The following SEC22A variants were observed in gnomAD, a reference collection of about 807,000 sequenced individuals.
SEC22A encodes the protein SEC22 homolog A, vesicle trafficking protein.
Under a neutral mutation model 35.3 loss-of-function variants are expected in SEC22A, and 22 were observed. That is an observed-to-expected ratio of 0.62 (90% CI 0.45 to 0.89). SEC22A has a LOEUF of 0.89. Ranked by LOEUF, SEC22A falls within the 40% of genes least tolerant of loss-of-function variation. SEC22A has a pLI of 0.00. For missense variants in SEC22A, 354 were observed against 362.5 expected (o/e 0.98, Z 0.19); for synonymous variants, 119 against 129.5 (o/e 0.92, Z 0.55).
chr3:123,237,521 G>A (rs1352103742), intron 4 of SEC22A, among the ~76,000 whole-genome samples: 4 of 152,172 alleles, frequency 2.6e-5, no homozygotes, highest in African/African-American at 9.6e-5. Flanking sequence ...CTTGGATGGT[G>A]GCACTGATCT....
intron 1 of SEC22A, among the ~76,000 whole-genome samples, chr3:123,202,807 C>T (rs1936773326): frequency 6.6e-6 from 1 of 152,194 alleles, no homozygotes. Context: ...AGCCACCAGA[C>T]TGGAGATGTT....
At chr3:123,234,331 C>A (rs910247927) in intron 4 of SEC22A, among the ~76,000 whole-genome samples, 13 of 152,048 alleles carry the variant, frequency 8.5e-5, no homozygotes, top group Non-Finnish European at 1.6e-4. Flanking sequence ...CTTGGAAAAT[C>A]TTGGAAAAGT....
chr3:123,261,696 T>G (rs528243698), intron 6 of SEC22A, among the ~76,000 whole-genome samples: 27 of 152,348 alleles, frequency 1.8e-4, no homozygotes, highest in South Asian at 1.2e-3. Context: ...TCTTATTTTG[T>G]GTTAAGCCTT....
chr3:123,206,779 A>G (rs1433872553), intron 1 of SEC22A, among the ~76,000 whole-genome samples: 1 of 152,118 alleles, frequency 6.6e-6, no homozygotes, highest in Non-Finnish European at 1.5e-5. Flanking sequence ...TTGCTTCTGG[A>G]TATTTTTCTC....
chr3:123,241,621 G>GA (rs1937523749), intron 4 of SEC22A, among the ~76,000 whole-genome samples: 1 of 152,036 alleles, frequency 6.6e-6, no homozygotes, highest in Non-Finnish European at 1.5e-5. Context: ...CACTGTAAGA[G>GA]AAAAAAGAAT....
Position 123,271,873 on chromosome 3 carries a change from C to T in SEC22A, c.*151C>T. ...CTTTTTTAAAATCAGCATGATGTGC[C>T]TGTGAGCATGGAAGAGTCCTCTCAG... is the stretch of plus-strand genomic sequence containing the variant. On this transcript the variant is annotated 3_prime_UTR_variant, in exon 7 of 7. Transcript: ENST00000492595. 1.6e-6 allele frequency: 1 copy of T among 635,538 alleles called. No individual in the cohort carries two copies. 39.4% of individuals were successfully genotyped at this position (635,538 alleles called of 1,614,324 possible). A position where few individuals can be genotyped will look rare whatever the true frequency, so the allele number is the denominator to read the frequency against.
intron 5 of SEC22A, among the ~76,000 whole-genome samples, chr3:123,254,257 A>G (rs1937671833): frequency 6.6e-6 from 1 of 152,092 alleles, no homozygotes; most frequent in Non-Finnish European, 1.5e-5. Context: ...CCTGGCCTCA[A>G]GTAATTCTCC....
chr3:123,209,582 C>G (rs1268936575), intron 2 of SEC22A, among the ~76,000 whole-genome samples, 183 bp downstream of exon 2: 1 of 152,218 alleles, frequency 6.6e-6, no homozygotes, highest in African/African-American at 2.4e-5. Context: ...TTCTTTGTAT[C>G]TGGCTCTGGG....
chr3:123,258,234 T>G (rs1328084785), intron 5 of SEC22A, among the ~76,000 whole-genome samples: 1 of 152,132 alleles, frequency 6.6e-6, no homozygotes, highest in Non-Finnish European at 1.5e-5. Flanking sequence ...TATCAATCTA[T>G]TTTTTAAAAT....
At position 123,271,901 on chromosome 3, in the gene SEC22A, G is replaced by T. The variant is rs1208848485; in HGVS notation, c.*179G>T. ...TGAGCATGGAAGAGTCCTCTCAGAAGAATGTTGGCCATGAGACTATCATTC... is the reference window on the plus strand; with the variant it reads ...TGAGCATGGAAGAGTCCTCTCAGAATAATGTTGGCCATGAGACTATCATTC... On this transcript the variant is annotated 3_prime_UTR_variant, in exon 7 of 7. Transcript: ENST00000492595. 16 of 586,622 alleles carry T rather than the reference G, an allele frequency of 2.7e-5. No homozygotes were observed. The highest frequency in any genetic ancestry group is 2.0e-5 in the African/African-American group (1 of 49,946). 36.3% of individuals were successfully genotyped at this position (586,622 alleles called of 1,614,324 possible).
Position 123,273,413 on chromosome 3 carries a change from CTGAGAGA to C in SEC22A, c.*1693_*1699del, listed in dbSNP as rs1938220230. On this transcript the variant is annotated 3_prime_UTR_variant, in exon 7 of 7. Transcript: ENST00000492595. ...CTCCTCTAACAAAAGTATGCATATT[CTGAGAGA>C]TACCCCAAGGCATCACAAGATCCTG... The C allele has an allele frequency of 6.6e-6, 1 of 152,218 alleles. No homozygotes were observed. The highest frequency in any genetic ancestry group is 6.5e-5 in the Admixed American group (1 of 15,288). The allele number at this position is 152,218 out of a possible 1,614,324, so 9.4% of individuals were successfully genotyped here.
rs895819500 is a variant in SEC22A at position 123,273,977 on chromosome 3, G to T, written c.*2255G>T. 6 of 152,022 alleles carry T rather than the reference G, an allele frequency of 3.9e-5. No homozygotes were observed. Among genetic ancestry groups the T allele is most frequent in the African/African-American group, 1.5e-4 (6 of 41,366 alleles). 9.4% of individuals were successfully genotyped at this position (152,022 alleles called of 1,614,324 possible). On this transcript the variant is annotated 3_prime_UTR_variant, in exon 7 of 7. Coordinates refer to ENST00000492595, the MANE Select transcript of SEC22A (RefSeq NM_012430.5). Reference sequence around the variant, plus strand: ...TGACGAGTTACAATGTTTGGTATTCGGATACATTCAGCAAGAACACTTGAA... The same window carrying T: ...TGACGAGTTACAATGTTTGGTATTCTGATACATTCAGCAAGAACACTTGAA...
chr3:123,248,529 T>C (rs747352245), intron 5 of SEC22A, among the ~76,000 whole-genome samples: 2 of 152,172 alleles, frequency 1.3e-5, no homozygotes, highest in Non-Finnish European at 2.9e-5. Context: ...CTAAAATGTA[T>C]ATACAAGATC....
chr3:123,216,920 G>T (rs115708502), intron 2 of SEC22A, among the ~76,000 whole-genome samples: 1 of 152,112 alleles, frequency 6.6e-6, no homozygotes, highest in African/African-American at 2.4e-5. Flanking sequence ...TTGAACTCCT[G>T]GGTTCACGTG....
At chr3:123,224,694 G>A (rs1370367592) in intron 3 of SEC22A, among the ~76,000 whole-genome samples, 1 of 152,112 alleles carries the variant, frequency 6.6e-6, no homozygotes, top group Non-Finnish European at 1.5e-5. Flanking sequence ...GGGAGACTGA[G>A]GCAGAAGGAT....
intron 4 of SEC22A, among the ~76,000 whole-genome samples, chr3:123,238,285 A>G (rs183872047): frequency 6.6e-6 from 1 of 152,240 alleles, no homozygotes; most frequent in Non-Finnish European, 1.5e-5. Flanking sequence ...TGCAACCTCC[A>G]CCTCCTGGGT....
chr3:123,258,936 A>C (rs891787282), intron 5 of SEC22A, among the ~76,000 whole-genome samples: 1 of 152,170 alleles, frequency 6.6e-6, no homozygotes, highest in Admixed American at 6.5e-5. Flanking sequence ...CATTCTATGC[A>C]TGAGGTATCT....
At chr3:123,209,144 C>T (rs1431130285) in intron 1 of SEC22A, 55 bp from the exon 2 acceptor site, 1 of 1,365,464 alleles carries the variant, frequency 7.3e-7, no homozygotes, top group Non-Finnish European at 1.0e-6. Context: ...TTTACATATG[C>T]TTATCAAGTT....
intron 4 of SEC22A, among the ~76,000 whole-genome samples, chr3:123,244,174 T>G (rs2108075368): frequency 6.6e-6 from 1 of 152,218 alleles, no homozygotes; most frequent in East Asian, 1.9e-4. Context: ...TCTAGTTCAG[T>G]TTGTTAAAAT....
Sources: gnomAD v4.1 joint callset for allele counts (sites outside exome capture counted in the v4.1 genomes callset) on GRCh38, gnomAD v4.1.1 for gene constraint, MANE v1.5 for transcripts, NCBI Gene and HGNC (gene_info 2026-07-23, HGNC 2026-07-21) for gene names.